The following ABCA13 variants were observed in gnomAD, a reference collection of about 807,000 sequenced individuals.
ABCA13 encodes ATP-binding cassette sub-family A member 13.
A neutral mutation model predicts 478.7 loss-of-function variants in ABCA13; 476 were observed. That is an observed-to-expected ratio of 0.99 (90% CI 0.92 to 1.07). The LOEUF is 1.07. Among genes scored for constraint, ABCA13 ranks in the 50% least tolerant of loss-of-function variants. The probability of loss-of-function intolerance (pLI) is 0.00; values close to 1 mark genes in which losing one functional copy is unlikely to be tolerated. For missense variants in ABCA13, 6,060 were observed against 5,910.6 expected (o/e 1.03, Z -0.83); for synonymous variants, 2,252 against 2,158.9 (o/e 1.04, Z -1.20).
chr7:48,349,679 A>G (rs942593893), intron 29 of ABCA13, among the ~76,000 whole-genome samples: 3 of 152,204 alleles, frequency 2.0e-5, no homozygotes, highest in African/African-American at 7.2e-5. Context: ...CAAGCATGAG[A>G]GGCAGAGGCA....
intron 55 of ABCA13, among the ~76,000 whole-genome samples, chr7:48,539,563 A>G (rs9690617): frequency 0.14 from 21,224 of 152,122 alleles, 1,866 homozygotes; most frequent in African/African-American, 0.23. Flanking sequence ...AGAAAGTGAC[A>G]GATTAGGTTT....
chr7:48,309,737 A>C (rs974020873), intron 23 of ABCA13, among the ~76,000 whole-genome samples: 3 of 152,144 alleles, frequency 2.0e-5, no homozygotes, highest in African/African-American at 7.2e-5. Flanking sequence ...TTTTATAAGA[A>C]GTCAGAGAAT....
intron 27 of ABCA13, among the ~76,000 whole-genome samples, chr7:48,330,531 CTATCCATT>C (rs1420788607): frequency 1.5e-5 from 2 of 130,802 alleles, no homozygotes; most frequent in African/African-American, 5.6e-5. Flanking sequence ...ATATATCCAT[CTATCCATT>C]TATCCATTTA....
intron 59 of ABCA13, among the ~76,000 whole-genome samples, chr7:48,616,040 C>A (rs1197975913): frequency 1.3e-5 from 2 of 150,868 alleles, no homozygotes; most frequent in African/African-American, 4.9e-5. Context: ...TGCCTAAATA[C>A]ACGTCCAATT....
At chr7:48,447,276 C>A (rs980916078) in intron 42 of ABCA13, among the ~76,000 whole-genome samples, 24 of 152,142 alleles carry the variant, frequency 1.6e-4, no homozygotes. Flanking sequence ...CATCTTCAAT[C>A]CTGTTTCAAC....
intron 25 of ABCA13, among the ~76,000 whole-genome samples, 192 bp from the exon 26 acceptor site, chr7:48,314,040 T>G (rs536970843): frequency 6.6e-6 from 1 of 151,872 alleles, no homozygotes; most frequent in African/African-American, 2.4e-5. Context: ...CCAGGTATGT[T>G]GGCCAGAAAA....
chr7:48,362,237 CCTT>C (rs1810968710), intron 31 of ABCA13, among the ~76,000 whole-genome samples: 1 of 150,106 alleles, frequency 6.7e-6, no homozygotes, highest in Non-Finnish European at 1.5e-5. Flanking sequence ...ACTTGGTTGT[CCTT>C]CTCTCTTTTT....
chr7:48,382,750 C>T (rs180759947), intron 35 of ABCA13, among the ~76,000 whole-genome samples: 77 of 147,234 alleles, frequency 5.2e-4, no homozygotes, highest in African/African-American at 1.9e-3. Flanking sequence ...ATCTTGTATT[C>T]TTCTCTCAAT....
intron 46 of ABCA13, 23 bp downstream of exon 46, chr7:48,481,177 G>C: frequency 6.6e-7 from 1 of 1,503,768 alleles, no homozygotes; most frequent in African/African-American, 1.4e-5. Context: ...CTCTTGTTGG[G>C]TCTTTACTTG....
At chr7:48,506,246 G>A in intron 48 of ABCA13, 90 bp from the exon 49 acceptor site, 1 of 1,391,420 alleles carries the variant, frequency 7.2e-7, no homozygotes. Context: ...ACATTGTGAT[G>A]GCACAGGGAA....
chr7:48,429,955 G>A (rs1457527630), intron 42 of ABCA13, among the ~76,000 whole-genome samples: 3 of 152,114 alleles, frequency 2.0e-5, no homozygotes, highest in Admixed American at 6.6e-5. Context: ...GTATTTTGTG[G>A]AGCATTTTTG....
intron 27 of ABCA13, among the ~76,000 whole-genome samples, chr7:48,334,541 T>G (rs753886262): frequency 1.5e-4 from 23 of 152,194 alleles, no homozygotes; most frequent in Non-Finnish European, 2.6e-4. Context: ...TTCATTGTGT[T>G]AGCCAGGATG....
At chr7:48,509,485 C>T (rs868389086) in intron 50 of ABCA13, among the ~76,000 whole-genome samples, 4 of 152,240 alleles carry the variant, frequency 2.6e-5, no homozygotes, top group Admixed American at 6.5e-5. Flanking sequence ...TCAAAGTCTC[C>T]AAAACCCCAG....
intron 10 of ABCA13, among the ~76,000 whole-genome samples, chr7:48,242,610 T>C (rs1791019104): frequency 6.6e-6 from 1 of 152,084 alleles, no homozygotes; most frequent in Non-Finnish European, 1.5e-5. Flanking sequence ...AGCTAATTTT[T>C]GCATTTTTAG....
chr7:48,412,983 T>A (rs1026089234), intron 41 of ABCA13, among the ~76,000 whole-genome samples: 1 of 151,582 alleles, frequency 6.6e-6, no homozygotes, highest in African/African-American at 2.4e-5. Context: ...GGCTAATTTT[T>A]TGTATTTTTA....
At chr7:48,505,585 A>C (rs1831134092) in intron 48 of ABCA13, among the ~76,000 whole-genome samples, 1 of 152,180 alleles carries the variant, frequency 6.6e-6, no homozygotes, top group Non-Finnish European at 1.5e-5. Flanking sequence ...TACAAGCCAC[A>C]CATTTGACTC....
At chr7:48,568,108 A>G (rs1405543522) in intron 55 of ABCA13, among the ~76,000 whole-genome samples, 2 of 152,144 alleles carry the variant, frequency 1.3e-5, no homozygotes. Context: ...ATAAAGCCAT[A>G]TGATGATTTC....
intron 15 of ABCA13, among the ~76,000 whole-genome samples, chr7:48,259,056 T>C (rs1468495070): frequency 6.6e-6 from 1 of 152,022 alleles, no homozygotes; most frequent in Admixed American, 6.6e-5. Flanking sequence ...GTATGTGCCA[T>C]GTGCACGTGA....
At chr7:48,203,601 G>C (rs1302028431) in intron 3 of ABCA13, among the ~76,000 whole-genome samples, 1 of 150,164 alleles carries the variant, frequency 6.7e-6, no homozygotes, top group African/African-American at 2.4e-5. Context: ...TTTGTTGGGG[G>C]GTTTCCCCTT....
Sources: allele counts gnomAD v4.1 joint callset (sites outside exome capture counted in the v4.1 genomes callset), GRCh38; gene constraint gnomAD v4.1.1; transcripts MANE v1.5; gene names NCBI Gene and HGNC (gene_info 2026-07-23, HGNC 2026-07-21).